Variants in TUT4 observed in about 807,000 individuals in gnomAD.
TUT4 encodes the protein terminal uridylyltransferase 4.
A neutral mutation model predicts 192.2 loss-of-function variants in TUT4; 36 were observed. That is an observed-to-expected ratio of 0.19 (90% CI 0.14 to 0.25). TUT4 has a LOEUF of 0.25. TUT4 is among the 10% of genes least tolerant of loss of function. The pLI, the probability that TUT4 is intolerant of heterozygous loss-of-function variation, is 1.00. For synonymous variants in TUT4, 618 were observed against 666.0 expected (o/e 0.93, Z 1.11); for missense variants, 1,493 against 1,957.2 (o/e 0.76, Z 4.47).
chr1:52,528,434 T>G (rs1445102636), intron 1 of TUT4, among the ~76,000 whole-genome samples: 3 of 149,062 alleles, frequency 2.0e-5, no homozygotes, highest in Non-Finnish European at 4.4e-5. Flanking sequence ...GAGGTTGCGG[T>G]GAGCCAAGAT....
chr1:52,493,473 G>GT (rs1478989684), intron 7 of TUT4, 138 bp downstream of exon 7: 16 of 591,868 alleles, frequency 2.7e-5, no homozygotes, highest in Middle Eastern at 4.8e-4. Flanking sequence ...GTGTGTGTAT[G>GT]TATCTCCATT....
At chr1:52,494,256 T>G (rs886917939) in intron 6 of TUT4, among the ~76,000 whole-genome samples, 10 of 152,174 alleles carry the variant, frequency 6.6e-5, no homozygotes, top group Admixed American at 4.6e-4. Flanking sequence ...AGAAATGAGT[T>G]GACCAGATGA....
intron 11 of TUT4, among the ~76,000 whole-genome samples, chr1:52,478,531 A>G (rs922023108): frequency 5.9e-5 from 9 of 152,198 alleles, no homozygotes; most frequent in Non-Finnish European, 1.0e-4. Context: ...TGAAGTGGAT[A>G]CTATAGGTCA....
intron 1 of TUT4, chr1:52,535,169 T>C (rs888909453): frequency 6.6e-6 from 1 of 152,196 alleles, no homozygotes; most frequent in African/African-American, 2.4e-5. Context: ...AATTTTTTTC[T>C]TCTATCTACT....
intron 28 of TUT4, among the ~76,000 whole-genome samples, chr1:52,425,896 G>T (rs1649745583): frequency 6.6e-6 from 1 of 151,884 alleles, no homozygotes; most frequent in South Asian, 2.1e-4. Context: ...GAGAGAAGGA[G>T]TATCATGTAC....
At chr1:52,447,703 C>T (rs1341495143) in intron 20 of TUT4, among the ~76,000 whole-genome samples, 2 of 152,082 alleles carry the variant, frequency 1.3e-5, no homozygotes, top group East Asian at 1.9e-4. Flanking sequence ...TAGGAAGGTG[C>T]AACAGATTCA....
chr1:52,532,466 A>C (rs1265976003), intron 1 of TUT4, among the ~76,000 whole-genome samples: 1 of 151,772 alleles, frequency 6.6e-6, no homozygotes, highest in Non-Finnish European at 1.5e-5. Context: ...ACACACGACC[A>C]CACCTGGCAA....
intron 29 of TUT4, chr1:52,424,988 C>G (rs1046566564): frequency 6.0e-6 from 1 of 166,238 alleles, no homozygotes; most frequent in African/African-American, 2.4e-5. Context: ...TCCTCCTCCT[C>G]TCTCATCTCT....
intron 29 of TUT4, 162 bp downstream of exon 29, chr1:52,425,187 T>G: frequency 1.3e-6 from 1 of 756,222 alleles, no homozygotes; most frequent in Non-Finnish European, 2.0e-6. Context: ...ATGGAGATTT[T>G]GTTTTACAAG....
intron 24 of TUT4, among the ~76,000 whole-genome samples, chr1:52,442,347 ACTTAT>A (rs1014838579): frequency 2.6e-5 from 4 of 152,074 alleles, no homozygotes; most frequent in African/African-American, 9.7e-5. Flanking sequence ...CAGGAAATAT[ACTTAT>A]CTTTATCTTT....
At chr1:52,426,932 T>C (rs535383573) in intron 28 of TUT4, among the ~76,000 whole-genome samples, 1 of 152,188 alleles carries the variant, frequency 6.6e-6, no homozygotes, top group South Asian at 2.1e-4. Context: ...TTTTAATATA[T>C]TTCCATTCAG....
intron 24 of TUT4, among the ~76,000 whole-genome samples, chr1:52,443,375 T>C (rs567922443): frequency 2.6e-5 from 4 of 151,368 alleles, no homozygotes; most frequent in Admixed American, 6.6e-5. Context: ...GATCACCTGA[T>C]TGGGAGTTCA....
chr1:52,500,057 G>C (rs1346270215), intron 4 of TUT4, among the ~76,000 whole-genome samples: 2 of 151,740 alleles, frequency 1.3e-5, no homozygotes, highest in Admixed American at 6.6e-5. Flanking sequence ...GGGAGGTGGA[G>C]GTTGCAGTGA....
At chr1:52,453,286 GCAGGAGAATCGCTTGAACC>G (rs765736186) in intron 20 of TUT4, among the ~76,000 whole-genome samples, 4 of 151,984 alleles carry the variant, frequency 2.6e-5, no homozygotes, top group Non-Finnish European at 4.4e-5. Context: ...GGAGGCTGAG[GCAGGAGAATCGCTTGAACC>G]CAGGAGGCGG....
intron 3 of TUT4, chr1:52,514,777 A>ATTTTTTTT (rs34845083): frequency 7.4e-6 from 1 of 135,602 alleles, no homozygotes; most frequent in Non-Finnish European, 1.6e-5. Context: ...TTTATTTGTG[A>ATTTTTTTT]TTTTTTTTTT....
chr1:52,550,896 C>T (rs1689265940), intron 1 of TUT4, among the ~76,000 whole-genome samples: 1 of 152,138 alleles, frequency 6.6e-6, no homozygotes, highest in Non-Finnish European at 1.5e-5. Context: ...CCTGATTTGA[C>T]ATTCTGTAGA....
chr1:52,474,993 A>C lies in TUT4; in HGVS notation c.2566T>G (p.Leu856Val). 6.2e-7 allele frequency: 1 copy of C among 1,614,152 alleles called. No individual in the cohort carries two copies. Among genetic ancestry groups the C allele is most frequent in the South Asian group, 1.1e-5 (1 of 91,080 alleles). ...KSTGTDCRSN[L>V]ETESSHQSVC... The stretch of plus-strand genomic sequence containing the variant: ...CTCTGATGTGAACTCTCTGTTTCTA[A>C]ATTTGACCTGCAGTCTGTTCCAGTA... Residue 856 changes from leucine to valine, a missense_variant, in exon 13 of 30, where the codon TTA (leucine) becomes GTA (valine). This residue lies in a region of TUT4 where 245 missense variants were observed against 218.4 expected (regional missense o/e 1.12). Coordinates refer to ENST00000257177, the MANE Select transcript of TUT4 (RefSeq NM_001009881.3).
At chr1:52,450,006 A>T (rs549509586) in intron 20 of TUT4, among the ~76,000 whole-genome samples, 8 of 152,236 alleles carry the variant, frequency 5.3e-5, no homozygotes, top group Admixed American at 3.3e-4. Flanking sequence ...ACACTCCCAA[A>T]TCTTTTTTGG....
chr1:52,473,005 C>CT (rs1335710048), intron 13 of TUT4, among the ~76,000 whole-genome samples: 2 of 151,922 alleles, frequency 1.3e-5, no homozygotes, highest in Non-Finnish European at 2.9e-5. Flanking sequence ...CTTTTCAAAG[C>CT]TTTTTTTAAA....
Sources: allele counts gnomAD v4.1 joint callset (sites outside exome capture counted in the v4.1 genomes callset), GRCh38; gene constraint gnomAD v4.1.1; regional missense constraint gnomAD v4.1.1; transcripts MANE v1.5; gene names NCBI Gene and HGNC (gene_info 2026-07-23, HGNC 2026-07-21).